Variants in TBC1D5 observed in about 807,000 individuals in gnomAD.
TBC1D5 encodes the protein TBC1 domain family member 5.
TBC1D5 carries 75 observed loss-of-function variants against 100.3 expected under a neutral mutation model. The ratio of observed to expected loss-of-function variants is 0.75; its 90% confidence interval spans 0.62 to 0.91. The LOEUF is 0.91. Among genes scored for constraint, TBC1D5 ranks in the 40% least tolerant of loss-of-function variants. TBC1D5 has a pLI of 0.00. For missense variants in TBC1D5, 910 were observed against 942.4 expected, an observed-to-expected ratio of 0.97 and a Z score of 0.45; for synonymous variants, 323 against 325.6, an observed-to-expected ratio of 0.99 and a Z score of 0.09.
chr3:17,726,226 G>C (rs2076118558), intron 1 of TBC1D5, among the ~76,000 whole-genome samples: 1 of 152,166 alleles, frequency 6.6e-6, no homozygotes, highest in Non-Finnish European at 1.5e-5. Context: ...CTTTGGGCAT[G>C]TACCCAATAA....
chr3:17,263,823 T>C (rs762524819), intron 15 of TBC1D5, among the ~76,000 whole-genome samples: 3 of 152,244 alleles, frequency 2.0e-5, no homozygotes, highest in Non-Finnish European at 4.4e-5. Flanking sequence ...AAAATGCTTC[T>C]GTTAATTTAG....
At chr3:17,583,661 A>G (rs1409758472) in intron 2 of TBC1D5, among the ~76,000 whole-genome samples, 1 of 152,236 alleles carries the variant, frequency 6.6e-6, no homozygotes, top group Non-Finnish European at 1.5e-5. Context: ...TGGGAGACGG[A>G]GGCTGCAGTG....
intron 2 of TBC1D5, among the ~76,000 whole-genome samples, chr3:17,546,850 A>G (rs1232992710): frequency 6.6e-6 from 1 of 152,180 alleles, no homozygotes; most frequent in Admixed American, 6.5e-5. Context: ...CCTCTATTAC[A>G]TTCCAAGTAA....
intron 2 of TBC1D5, among the ~76,000 whole-genome samples, chr3:17,516,192 C>T (rs562299800): frequency 6.6e-6 from 1 of 152,200 alleles, no homozygotes; most frequent in African/African-American, 2.4e-5. Flanking sequence ...TAGGGACCAG[C>T]ACCAGAAGTA....
intron 2 of TBC1D5, among the ~76,000 whole-genome samples, chr3:17,547,666 C>T (rs1011865583): frequency 6.6e-5 from 10 of 152,108 alleles, no homozygotes; most frequent in African/African-American, 2.4e-4. Context: ...GATGAAAAAT[C>T]AAAAGCCAAT....
At chr3:17,306,044 T>C (rs190617133) in intron 14 of TBC1D5, among the ~76,000 whole-genome samples, 3 of 152,346 alleles carry the variant, frequency 2.0e-5, no homozygotes, top group Admixed American at 2.0e-4. Context: ...TCTCCCTTTG[T>C]ACTCTAATAA....
At chr3:17,203,994 C>T (rs2071818692) in intron 18 of TBC1D5, among the ~76,000 whole-genome samples, 1 of 152,204 alleles carries the variant, frequency 6.6e-6, no homozygotes, top group African/African-American at 2.4e-5. Context: ...GGCCACCTGC[C>T]TGATACAGAT....
intron 2 of TBC1D5, among the ~76,000 whole-genome samples, chr3:17,560,069 C>A (rs111800180): frequency 2.0e-5 from 3 of 152,080 alleles, no homozygotes; most frequent in African/African-American, 7.2e-5. Flanking sequence ...ATACTATGTG[C>A]CTCCTGATGA....
chr3:17,228,107 T>C (rs1241893809), intron 17 of TBC1D5, among the ~76,000 whole-genome samples: 7 of 152,104 alleles, frequency 4.6e-5, no homozygotes, highest in Non-Finnish European at 7.4e-5. Flanking sequence ...CTTGGTTGAG[T>C]GGACCATCTG....
At position 17,600,213 on chromosome 3, in the gene TBC1D5, A is replaced by ATATGTTATGT. The variant is rs59063083; in HGVS notation, c.-36+23626_-36+23635dup. Reference sequence around the variant, plus strand: ...AGTTGTGATCTCTATGATTCATATAATATGTTATGTTATGTTATGTTATGT... The same window carrying ATATGTTATGT: ...AGTTGTGATCTCTATGATTCATATAATATGTTATGTTATGTTATGTTATGTTATGTTATGT... On this transcript the variant is annotated intron_variant, in intron 2 of 21. Coordinates refer to ENST00000253692, the Ensembl canonical transcript of TBC1D5. Among the ~76,000 whole-genome samples the ATATGTTATGT allele has an allele frequency of 1.4e-3, 214 of 151,140 alleles. 1 individual carries two copies. The highest frequency in any genetic ancestry group is 4.6e-3 in the Admixed American group (70 of 15,200).
At chr3:17,344,783 C>T (rs1228376890) in intron 13 of TBC1D5, among the ~76,000 whole-genome samples, 1 of 152,148 alleles carries the variant, frequency 6.6e-6, no homozygotes, top group Non-Finnish European at 1.5e-5. Flanking sequence ...ACTATCTGAT[C>T]TTTGACAAAC....
At chr3:17,615,149 T>G (rs2062037000) in intron 2 of TBC1D5, among the ~76,000 whole-genome samples, 1 of 152,254 alleles carries the variant, frequency 6.6e-6, no homozygotes, top group South Asian at 2.1e-4. Context: ...AATCATGTGG[T>G]TTTTGTTGTT....
chr3:17,552,493 T>G (rs1274590655), intron 2 of TBC1D5, among the ~76,000 whole-genome samples: 2 of 152,032 alleles, frequency 1.3e-5, no homozygotes, highest in African/African-American at 4.8e-5. Flanking sequence ...AGGCAAATCA[T>G]GAAAGAAGAC....
At position 17,223,575 on chromosome 3, in the gene TBC1D5, C is replaced by T. The variant is rs116655156; in HGVS notation, c.1589-9205G>A. Reference sequence around the variant, plus strand: ...AGATTTGTCCAAACTTAAAAGACTACGCTGGCGGGGTGCGGTGGCTCACAC... The same window carrying T: ...AGATTTGTCCAAACTTAAAAGACTATGCTGGCGGGGTGCGGTGGCTCACAC... On this transcript the variant is annotated intron_variant, in intron 17 of 21. Coordinates refer to ENST00000253692, the Ensembl canonical transcript of TBC1D5. Among the ~76,000 whole-genome samples, 576 of 152,210 alleles carry T rather than the reference C, an allele frequency of 3.8e-3. 3 individuals are homozygous for T. Among genetic ancestry groups the T allele is most frequent in the African/African-American group, 0.013 (533 of 41,546 alleles).
intron 3 of TBC1D5, among the ~76,000 whole-genome samples, chr3:17,490,875 A>G (rs747073401): frequency 1.3e-5 from 2 of 152,204 alleles, no homozygotes; most frequent in Non-Finnish European, 2.9e-5. Context: ...TGGTAATAAC[A>G]TTAGATCTAT....
intron 18 of TBC1D5, among the ~76,000 whole-genome samples, chr3:17,189,738 T>G (rs1005793305): frequency 5.9e-5 from 9 of 152,220 alleles, no homozygotes; most frequent in Non-Finnish European, 1.2e-4. Flanking sequence ...TTCTTCCCTG[T>G]GTACACATCC....
chr3:17,502,327 T>A (rs1401443781), intron 3 of TBC1D5, among the ~76,000 whole-genome samples: 1 of 149,750 alleles, frequency 6.7e-6, no homozygotes, highest in Non-Finnish European at 1.5e-5. Context: ...ACTGGACACT[T>A]CTATTTTCTT....
intron 14 of TBC1D5, among the ~76,000 whole-genome samples, chr3:17,296,894 G>T (rs1333266248): frequency 5.3e-5 from 8 of 152,206 alleles, no homozygotes; most frequent in Admixed American, 5.2e-4. Context: ...CTCAAATTCA[G>T]AGTAGTTCAC....
At chr3:17,456,411 A>G (rs1207432830) in intron 3 of TBC1D5, among the ~76,000 whole-genome samples, 1 of 152,244 alleles carries the variant, frequency 6.6e-6, no homozygotes, top group African/African-American at 2.4e-5. Flanking sequence ...GTAACAAGGG[A>G]TTAATCACAA....
Sources: gnomAD v4.1 joint callset for allele counts (sites outside exome capture counted in the v4.1 genomes callset) on GRCh38, gnomAD v4.1.1 for gene constraint, MANE v1.5 for transcripts, NCBI Gene and HGNC (gene_info 2026-07-23, HGNC 2026-07-21) for gene names.